Variants in UROC1 observed in about 807,000 individuals in gnomAD.
UROC1 encodes the protein urocanate hydratase.
In UROC1, 79 loss-of-function variants were observed where a neutral mutation model predicts 89.5. The observed-to-expected ratio is 0.88, with a 90% CI of 0.74 to 1.06. The LOEUF (loss-of-function observed/expected upper bound fraction) is 1.06. UROC1 is among the 50% of genes least tolerant of loss of function. UROC1 has a pLI of 0.00. For synonymous variants in UROC1, 361 were observed against 354.8 expected (o/e 1.02, Z -0.20); for missense variants, 885 against 907.8 (o/e 0.97, Z 0.32).
chr3:126,499,422 C>CT lies in UROC1; in HGVS notation c.1244-14_1244-13insA. ...TCCACATCCGCTCCTGTGGGCAGAGCCCGGACAGTCACCACCCAAGGCAGG... is the reference window on the plus strand; with the variant it reads ...TCCACATCCGCTCCTGTGGGCAGAGCTCCGGACAGTCACCACCCAAGGCAGG... On this transcript the variant is annotated splice_polypyrimidine_tract_variant and intron_variant, in intron 12 of 19. Transcript: ENST00000290868. The CT allele has an allele frequency of 1.2e-6, 2 of 1,608,042 alleles. No individual in the cohort carries two copies. The highest frequency in any genetic ancestry group is 1.7e-6 in the Non-Finnish European group (2 of 1,177,410).
At chr3:126,505,663 G>T in intron 8 of UROC1, 38 bp downstream of exon 8, 1 of 1,610,974 alleles carries the variant, frequency 6.2e-7, no homozygotes, top group Non-Finnish European at 8.5e-7. Flanking sequence ...GAGGGAGGGA[G>T]GCAGGCAGGA....
In UROC1 at chr3:126,481,334, AG is replaced by A. The variant is rs1322237501; in HGVS notation, c.*1010del. 4 of 152,090 alleles carry A rather than the reference AG, an allele frequency of 2.6e-5. No homozygotes were observed. Among genetic ancestry groups the A allele is most frequent in the Non-Finnish European group, 4.4e-5 (3 of 68,048 alleles). The allele number at this position is 152,090 out of a possible 1,614,324, so 9.4% of individuals were successfully genotyped here. A position where few individuals can be genotyped will look rare whatever the true frequency, so the allele number is the denominator to read the frequency against. ...CCTATATTGCTGCCCACACAAAACT[AG>A]GCTTTTGTTCACAAGGGAAAGGGGA... On this transcript the variant is annotated 3_prime_UTR_variant, in exon 20 of 20. Coordinates refer to ENST00000290868, the MANE Select transcript of UROC1 (RefSeq NM_144639.3).
chr3:126,498,608 C>A (rs1935837998), intron 13 of UROC1, among the ~76,000 whole-genome samples: 1 of 152,006 alleles, frequency 6.6e-6, no homozygotes, highest in African/African-American at 2.4e-5. Flanking sequence ...GTGGCCTGGG[C>A]CCTCCCTGGG....
At chr3:126,497,996 G>A in intron 14 of UROC1, 55 bp downstream of exon 14, 2 of 1,612,880 alleles carry the variant, frequency 1.2e-6, no homozygotes, top group Non-Finnish European at 1.7e-6. Context: ...TCTCTATGGA[G>A]GCAGAAGCTT....
At chr3:126,500,910 C>T (rs375680772) in intron 10 of UROC1, 36 bp from the exon 11 acceptor site, 13 of 839,420 alleles carry the variant, frequency 1.5e-5, no homozygotes, top group South Asian at 1.3e-4. Context: ...GCAAGCCACA[C>T]ACAGCCTGGG....
chr3:126,496,182 T>TCAGCA (rs2107539588), intron 14 of UROC1, 74 bp from the exon 15 acceptor site: 1 of 1,479,880 alleles, frequency 6.8e-7, no homozygotes, highest in Admixed American at 1.9e-5. Context: ...GCTGCTCAGC[T>TCAGCA]CAGCACAGAC....
chr3:126,483,692 G>T (rs1935447127), intron 18 of UROC1, among the ~76,000 whole-genome samples: 1 of 152,206 alleles, frequency 6.6e-6, no homozygotes, highest in Admixed American at 6.5e-5. Flanking sequence ...CCCCTGTGCT[G>T]GGCCTGTCGG....
chr3:126,513,834 T>C (rs1383293026), intron 1 of UROC1, among the ~76,000 whole-genome samples: 1 of 152,112 alleles, frequency 6.6e-6, no homozygotes, highest in African/African-American at 2.4e-5. Flanking sequence ...ATTCAGAAAC[T>C]TCCATGGGCT....
At chr3:126,488,849 C>T (rs1009675762) in intron 17 of UROC1, among the ~76,000 whole-genome samples, 7 of 152,218 alleles carry the variant, frequency 4.6e-5, no homozygotes, top group South Asian at 2.1e-4. Flanking sequence ...GCGGTAAAGG[C>T]GTTTGCACCC....
At chr3:126,484,628 T>C (rs1360182545) in intron 18 of UROC1, among the ~76,000 whole-genome samples, 3 of 152,058 alleles carry the variant, frequency 2.0e-5, no homozygotes, top group African/African-American at 7.2e-5. Context: ...CAGTGAGAGG[T>C]GCCCTGTGCC....
intron 1 of UROC1, among the ~76,000 whole-genome samples, chr3:126,511,678 A>G (rs2107550760): frequency 6.6e-6 from 1 of 152,390 alleles, no homozygotes; most frequent in South Asian, 2.1e-4. Flanking sequence ...TGACTCGGCC[A>G]TTCTTAAAGG....
intron 9 of UROC1, among the ~76,000 whole-genome samples, chr3:126,502,690 G>T (rs1205622573): frequency 6.6e-6 from 1 of 151,382 alleles, no homozygotes; most frequent in African/African-American, 2.4e-5. Context: ...TTGTGTGTCT[G>T]TTTATGTGTG....
intron 15 of UROC1, among the ~76,000 whole-genome samples, chr3:126,492,991 G>A (rs938923437): frequency 1.3e-5 from 2 of 152,166 alleles, no homozygotes; most frequent in African/African-American, 4.8e-5. Flanking sequence ...CTCATCATAA[G>A]CTCCATTTTC....
intron 13 of UROC1, 51 bp from the exon 14 acceptor site, chr3:126,498,223 G>A (rs766351971): frequency 6.2e-7 from 1 of 1,612,920 alleles, no homozygotes; most frequent in East Asian, 2.2e-5. Flanking sequence ...TGTTGGGGGA[G>A]GGGGTGCAGG....
At chr3:126,482,581 C>T (rs1404552096) in intron 19 of UROC1, 96 bp from the exon 20 acceptor site, 3 of 1,583,830 alleles carry the variant, frequency 1.9e-6, no homozygotes, top group African/African-American at 1.3e-5. Context: ...GCTTCGGGAC[C>T]TCTGAGGCTG....
In UROC1 at chr3:126,509,675, G is replaced by A. The variant is rs1026995678; in HGVS notation, c.261C>T (p.Ala87=). The part of the protein sequence containing the change: ...YRFCPDIEMR[A]YPIEQYPCQT... ...GGCAGGGGTACTGCTCAATCGGGTA[G>A]GCCCTGCAAGGGAAAGCCCAACCAC... The change falls in exon 3 of 20, where the codon GCC becomes GCT. Residue 87 remains alanine, a synonymous_variant. Transcript: ENST00000290868. 2 of 1,551,694 alleles carry A rather than the reference G, an allele frequency of 1.3e-6. No individual in the cohort carries two copies. Among genetic ancestry groups the A allele is most frequent in the African/African-American group, 1.4e-5 (1 of 73,196 alleles).
intron 9 of UROC1, among the ~76,000 whole-genome samples, chr3:126,502,790 T>C (rs1935965044): frequency 6.6e-6 from 1 of 151,978 alleles, no homozygotes; most frequent in African/African-American, 2.4e-5. Context: ...TGTGTGCATG[T>C]GTGTGCTGTG....
chr3:126,510,786 C>A lies in UROC1; in HGVS notation c.135G>T (p.Leu45=). The A allele has an allele frequency of 6.2e-7, 1 of 1,613,442 alleles. No individual in the cohort carries two copies. The highest frequency in any genetic ancestry group is 1.1e-5 in the South Asian group (1 of 91,084). ...GGGGGAAGTAGCGCAGGGCGTTCCTCAGCGCCAGCTGGGGTAGGAGAGCGG... is the reference window on the plus strand; with the variant it reads ...GGGGGAAGTAGCGCAGGGCGTTCCTAAGCGCCAGCTGGGGTAGGAGAGCGG... ...SLSPVEKQLA[L]RNALRYFPPD... The change falls in exon 2 of 20, where the codon CTG becomes CTT. Residue 45 remains leucine, a synonymous_variant. Transcript: ENST00000290868.
chr3:126,488,248 G>A lies in UROC1; in HGVS notation c.1740C>T (p.Ala580=), dbSNP rs767992281. The change falls in exon 18 of 20, where the codon GCC becomes GCT. Residue 580 remains alanine, a synonymous_variant. Coordinates refer to ENST00000290868, the MANE Select transcript of UROC1 (RefSeq NM_144639.3). Reference sequence around the variant, plus strand: ...GGGCGACCCAGGTGGCTCCGCGACAGGCATCTCCCACGAAGTTCTGCACAG... The same window carrying A: ...GGGCGACCCAGGTGGCTCCGCGACAAGCATCTCCCACGAAGTTCTGCACAG... ...DMAVQNFVGD[A]CRGATWVALH... 1.9e-6 allele frequency: 3 copies of A among 1,614,260 alleles called. No homozygotes were observed. In the South Asian group the frequency reaches 3.3e-5, roughly 18 times the overall value.
Sources: gnomAD v4.1 joint callset for allele counts (sites outside exome capture counted in the v4.1 genomes callset) on GRCh38, gnomAD v4.1.1 for gene constraint, MANE v1.5 for transcripts, NCBI Gene and HGNC (gene_info 2026-07-23, HGNC 2026-07-21) for gene names.